The following ACSF3 variants were observed in gnomAD, a reference collection of about 807,000 sequenced individuals.
ACSF3 encodes acyl-CoA synthetase family member 3.
Under a neutral mutation model 53.2 loss-of-function variants are expected in ACSF3, and 78 were observed. The ratio of observed to expected loss-of-function variants is 1.47; its 90% CI spans 1.22 to 1.77. The LOEUF (loss-of-function observed/expected upper bound fraction) is 1.77, where lower values mean the gene tolerates loss of function less well. Among genes scored for constraint, ACSF3 ranks in the 40% most tolerant of loss-of-function variants. The pLI is 0.00. For missense variants in ACSF3, 937 were observed against 771.1 expected (o/e 1.22, Z -2.55); for synonymous variants, 414 against 333.1 (o/e 1.24, Z -2.65).
intron 4 of ACSF3, among the ~76,000 whole-genome samples, chr16:89,111,382 G>A (rs564787434): frequency 2.0e-5 from 3 of 152,374 alleles, no homozygotes; most frequent in South Asian, 2.1e-4. Flanking sequence ...ATCGGCATCC[G>A]TCGACCCCAG....
At chr16:89,107,316 C>T (rs890068586) in intron 4 of ACSF3, among the ~76,000 whole-genome samples, 1 of 152,148 alleles carries the variant, frequency 6.6e-6, no homozygotes, top group Non-Finnish European at 1.5e-5. Context: ...TGTCTTTCAC[C>T]TCCGCGCCTG....
rs1045806707 is a variant in ACSF3 at position 89,154,351 on chromosome 16, A to G, written c.*144A>G. The G allele has an allele frequency of 2.5e-6, 2 of 815,326 alleles. No individual in the cohort carries two copies. The highest frequency in any genetic ancestry group is 4.1e-6 in the Non-Finnish European group (2 of 490,088). 50.5% of individuals were successfully genotyped at this position (815,326 alleles called of 1,614,324 possible). Reference sequence around the variant, plus strand: ...CACGTAGAATCAAGAACTGTTTGGGATGAAATCACCATGTGGGGTCCCCAG... The same window carrying G: ...CACGTAGAATCAAGAACTGTTTGGGGTGAAATCACCATGTGGGGTCCCCAG... On this transcript the variant is annotated 3_prime_UTR_variant, in exon 11 of 11. Transcript: ENST00000614302.
chr16:89,097,703 G>T (rs1428362575), intron 1 of ACSF3, among the ~76,000 whole-genome samples: 1 of 152,182 alleles, frequency 6.6e-6, no homozygotes, highest in Non-Finnish European at 1.5e-5. Flanking sequence ...CCATTCTCTG[G>T]GTTTCTCTAT....
intron 1 of ACSF3, chr16:89,095,256 C>T (rs1974476259): frequency 6.6e-6 from 1 of 152,216 alleles, no homozygotes; most frequent in Non-Finnish European, 1.5e-5. Context: ...GAACCATCTC[C>T]TCAAGGCAGA....
At chr16:89,127,550 G>C (rs964173805) in intron 7 of ACSF3, among the ~76,000 whole-genome samples, 1 of 152,020 alleles carries the variant, frequency 6.6e-6, no homozygotes, top group Non-Finnish European at 1.5e-5. Flanking sequence ...TATTTTTGTA[G>C]AGTTGGGGGT....
intron 7 of ACSF3, 54 bp downstream of exon 7, chr16:89,120,967 C>A (rs1357029573): frequency 3.9e-6 from 6 of 1,534,708 alleles, no homozygotes; most frequent in Non-Finnish European, 5.4e-6. Flanking sequence ...TCTAGGCCCC[C>A]CAGGGTGGTT....
intron 7 of ACSF3, among the ~76,000 whole-genome samples, chr16:89,126,383 C>G (rs372799039): frequency 9.7e-4 from 147 of 152,282 alleles, no homozygotes; most frequent in African/African-American, 3.1e-3. Flanking sequence ...ATTCTCATGC[C>G]TCAGCCTCCC....
chr16:89,103,905 A>C (rs1975668991), intron 4 of ACSF3, among the ~76,000 whole-genome samples: 1 of 152,244 alleles, frequency 6.6e-6, no homozygotes, highest in Non-Finnish European at 1.5e-5. Context: ...TTGCCTGTGC[A>C]GGGCTGTCTC....
chr16:89,112,292 C>T (rs1043347816), intron 5 of ACSF3, 46 bp downstream of exon 5: 17 of 1,604,610 alleles, frequency 1.1e-5, no homozygotes, highest in East Asian at 2.2e-5. Context: ...TCTTAAAGAT[C>T]AACAGATACG....
At chr16:89,122,035 T>C (rs1374716291) in intron 7 of ACSF3, among the ~76,000 whole-genome samples, 6 of 142,666 alleles carry the variant, frequency 4.2e-5, no homozygotes, top group Non-Finnish European at 9.2e-5. Context: ...GTGGGTATTC[T>C]GTTTCCCCGT....
At position 89,102,738 on chromosome 16, in the gene ACSF3, G is replaced by C; in HGVS notation, c.801G>C (p.Met267Ile). 1 of 1,612,894 alleles carries C rather than the reference G, an allele frequency of 6.2e-7. No homozygotes were observed. The highest frequency in any genetic ancestry group is 8.5e-7 in the Non-Finnish European group (1 of 1,180,026). Reference protein sequence around the residue: ...PLWVGATCVMMPEFSPQQVWE... With the variant: ...PLWVGATCVMIPEFSPQQVWE... The stretch of plus-strand genomic sequence containing the variant: ...GGGTGGGAGCCACCTGTGTGATGAT[G>C]CCTGAGTTCAGCCCTCAGCAGGTGA... Residue 267 changes from methionine (M) to isoleucine (I), a missense_variant, in exon 4 of 11, where the codon ATG (methionine) becomes ATC (isoleucine). Coordinates refer to ENST00000614302, the MANE Select transcript of ACSF3 (RefSeq NM_001243279.3).
chr16:89,144,836 A>G (rs138912688), intron 8 of ACSF3, among the ~76,000 whole-genome samples: 4 of 152,326 alleles, frequency 2.6e-5, no homozygotes, highest in African/African-American at 7.2e-5. Context: ...CATCCCACCC[A>G]TGGCCAGTGG....
chr16:89,129,404 T>G (rs1338771504), intron 7 of ACSF3, among the ~76,000 whole-genome samples: 1 of 152,248 alleles, frequency 6.6e-6, no homozygotes, highest in Non-Finnish European at 1.5e-5. Context: ...TCTTTGCTCT[T>G]AAGTTTACTT....
intron 7 of ACSF3, among the ~76,000 whole-genome samples, chr16:89,123,430 A>G (rs1205045786): frequency 2.0e-5 from 3 of 152,180 alleles, no homozygotes; most frequent in African/African-American, 4.8e-5. Flanking sequence ...CCTTCTCTCC[A>G]CAGCATCCCA....
chr16:89,118,147 TCTC>T (rs1272099180), intron 6 of ACSF3, among the ~76,000 whole-genome samples: 1 of 148,372 alleles, frequency 6.7e-6, no homozygotes, highest in African/African-American at 2.5e-5. Context: ...CGCTCTCTCT[TCTC>T]TAAGGCAGAG....
At chr16:89,128,957 C>A (rs1367652998) in intron 7 of ACSF3, among the ~76,000 whole-genome samples, 2 of 111,912 alleles carry the variant, frequency 1.8e-5, no homozygotes, top group African/African-American at 7.1e-5. Flanking sequence ...GAGACCCCAT[C>A]TCTACAAAAA....
At chr16:89,129,922 G>C (rs1018279967) in intron 7 of ACSF3, among the ~76,000 whole-genome samples, 2 of 152,180 alleles carry the variant, frequency 1.3e-5, no homozygotes, top group African/African-American at 4.8e-5. Context: ...CCTTTAGAGT[G>C]TAGTCAGTGT....
At chr16:89,128,495 A>C (rs540658482) in intron 7 of ACSF3, among the ~76,000 whole-genome samples, 1 of 152,086 alleles carries the variant, frequency 6.6e-6, no homozygotes, top group Non-Finnish European at 1.5e-5. Context: ...CCTGACCTCA[A>C]GTGATCCACC....
At position 89,117,781 on chromosome 16, in the gene ACSF3, GA is replaced by G. The variant is rs1419337055; in HGVS notation, c.1127-3019del. Among the ~76,000 whole-genome samples, 4 of 152,208 alleles carry G rather than the reference GA, an allele frequency of 2.6e-5. No homozygotes were observed. In the East Asian group the frequency reaches 7.7e-4, roughly 29 times the overall value. On this transcript the variant is annotated intron_variant, in intron 6 of 10. Coordinates refer to ENST00000614302, the MANE Select transcript of ACSF3 (RefSeq NM_001243279.3). ...GGCGAACAGGAAGGAGCCCCAGACA[GA>G]TGGCACAGGGAGAGGAGTCCCCGGC... is the stretch of plus-strand genomic sequence containing the variant.
Sources: gnomAD v4.1 joint callset for allele counts (sites outside exome capture counted in the v4.1 genomes callset) on GRCh38, gnomAD v4.1.1 for gene constraint, MANE v1.5 for transcripts, NCBI Gene and HGNC (gene_info 2026-07-23, HGNC 2026-07-21) for gene names.